Variants in VWA8 observed in about 807,000 individuals in gnomAD.
VWA8 encodes von Willebrand factor A domain-containing protein 8.
In VWA8, 221 loss-of-function variants were observed where a neutral mutation model predicts 241.5. The ratio of observed to expected loss-of-function variants is 0.91; its 90% CI spans 0.82 to 1.02. VWA8 has a LOEUF of 1.02. Among genes scored for constraint, VWA8 ranks in the 50% least tolerant of loss-of-function variants. The pLI is 0.00. For missense variants in VWA8, 2,322 were observed against 2,328.7 expected (o/e 1.00, Z 0.06); for synonymous variants, 852 against 827.1 (o/e 1.03, Z -0.52).
intron 25 of VWA8, among the ~76,000 whole-genome samples, chr13:41,720,230 T>C (rs1352331098): frequency 3.3e-5 from 5 of 152,028 alleles, no homozygotes; most frequent in African/African-American, 9.7e-5. Flanking sequence ...CAGGGAGCAG[T>C]AGAGGGCAAG....
intron 21 of VWA8, among the ~76,000 whole-genome samples, chr13:41,758,500 A>G (rs2045715708): frequency 6.9e-6 from 1 of 144,610 alleles, no homozygotes; most frequent in African/African-American, 2.5e-5. Flanking sequence ...TATTCCATAT[A>G]TATGGAATAT....
intron 7 of VWA8, 100 bp from the exon 8 acceptor site, chr13:41,886,128 G>T: frequency 1.3e-6 from 1 of 782,286 alleles, no homozygotes; most frequent in Non-Finnish European, 2.0e-6. Flanking sequence ...ATCTAAAAAA[G>T]ATCCCTAATA....
Position 41,575,811 on chromosome 13 carries a change from C to G in VWA8, c.5299G>C (p.Gly1767Arg). 4 of 1,613,194 alleles carry G rather than the reference C, an allele frequency of 2.5e-6. No individual in the cohort carries two copies. Among genetic ancestry groups the G allele is most frequent in the Non-Finnish European group, 3.4e-6 (4 of 1,179,872 alleles). Residue 1767 changes from glycine (G) to arginine (R), a missense_variant, in exon 43 of 45, where the codon GGC (glycine) becomes CGC (arginine). Physicochemically the swap from Gly to Arg is moderately radical, Grantham distance 125. Coordinates refer to ENST00000379310, the MANE Select transcript of VWA8 (RefSeq NM_015058.2). The part of the protein sequence containing the change: ...QYDIVGHSGD[G>R]YNIGLVPMNK... The stretch of plus-strand genomic sequence containing the variant: ...ATTGGAACCAGACCAATGTTGTAGC[C>G]ATCTCCAGAGTGTCCAACGATGTCA...
rs945555793 is a variant in VWA8, at chr13:41,581,237, C to A, written c.5272-5399G>T. On this transcript the variant is annotated intron_variant, in intron 42 of 44. Coordinates refer to ENST00000379310, the MANE Select transcript of VWA8 (RefSeq NM_015058.2). ...CAGGATGGTCTCGATCTCCTGACCT[C>A]GTGATCCGCCCGCCTCGGCCTCCCA... is the stretch of plus-strand genomic sequence containing the variant. Among the ~76,000 whole-genome samples the A allele has an allele frequency of 3.9e-5, 3 of 77,258 alleles. 1 individual carries two copies. The highest frequency in any genetic ancestry group is 6.4e-5 in the Non-Finnish European group (3 of 46,952). 50.7% of individuals were successfully genotyped at this position (77,258 alleles called of 152,430 possible). A position where few individuals can be genotyped will look rare whatever the true frequency, so the allele number is the denominator to read the frequency against.
intron 12 of VWA8, chr13:41,865,314 C>A (rs1235594303): frequency 5.1e-6 from 2 of 389,578 alleles, no homozygotes; most frequent in Non-Finnish European, 1.0e-5. Context: ...TTTCTTTATG[C>A]TGGAACATTT....
intron 29 of VWA8, among the ~76,000 whole-genome samples, chr13:41,695,758 A>T (rs1479265342): frequency 6.6e-6 from 1 of 152,204 alleles, no homozygotes; most frequent in Non-Finnish European, 1.5e-5. Context: ...GTATATGAGG[A>T]GGCAAGATGC....
intron 12 of VWA8, among the ~76,000 whole-genome samples, chr13:41,863,433 GTA>G (rs201997688): frequency 0.047 from 3,274 of 69,694 alleles, 162 homozygotes; most frequent in African/African-American, 0.14. Flanking sequence ...GTGTGTGTGT[GTA>G]TATATATATA....
rs1870849865 is a variant in VWA8 at position 41,819,403 on chromosome 13, A to T, written c.1701-17T>A. 1 of 1,587,054 alleles carries T rather than the reference A, an allele frequency of 6.3e-7. No individual in the cohort carries two copies. The highest frequency in any genetic ancestry group is 8.5e-7 in the Non-Finnish European group (1 of 1,173,546). ...AAAATGGATCTAAAATAGGAAAAAAAATGAAAAAAAATAACATATCTTTCA... is the reference window on the plus strand; with the variant it reads ...AAAATGGATCTAAAATAGGAAAAAATATGAAAAAAAATAACATATCTTTCA... On this transcript the variant is annotated splice_polypyrimidine_tract_variant and intron_variant, in intron 14 of 44. Transcript: ENST00000379310.
intron 4 of VWA8, among the ~76,000 whole-genome samples, chr13:41,898,603 G>C (rs1455064239): frequency 2.0e-5 from 3 of 152,242 alleles, no homozygotes; most frequent in Non-Finnish European, 4.4e-5. Context: ...TTGGGTGGTC[G>C]ATGGGACTGG....
chr13:41,803,547 A>C (rs973404859), intron 17 of VWA8, among the ~76,000 whole-genome samples: 1 of 152,200 alleles, frequency 6.6e-6, no homozygotes, highest in Non-Finnish European at 1.5e-5. Flanking sequence ...TTGTGCAGGG[A>C]AACTCCCCTT....
At chr13:41,734,713 C>T (rs1304206949) in intron 21 of VWA8, among the ~76,000 whole-genome samples, 1 of 152,208 alleles carries the variant, frequency 6.6e-6, no homozygotes, top group African/African-American at 2.4e-5. Flanking sequence ...TCACCATAAT[C>T]CTGGCTCTCC....
intron 17 of VWA8, among the ~76,000 whole-genome samples, chr13:41,789,382 A>G (rs758305186): frequency 2.6e-5 from 4 of 152,142 alleles, no homozygotes; most frequent in Non-Finnish European, 5.9e-5. Context: ...CCTGTTGCAA[A>G]TTTTCCAAGT....
intron 4 of VWA8, among the ~76,000 whole-genome samples, chr13:41,892,503 G>C (rs1477686371): frequency 6.6e-6 from 1 of 152,128 alleles, no homozygotes; most frequent in Non-Finnish European, 1.5e-5. Context: ...ATTAAATGTA[G>C]ATGATGGCCA....
chr13:41,778,121 A>G, intron 19 of VWA8, 65 bp from the exon 20 acceptor site: 1 of 1,168,242 alleles, frequency 8.6e-7, no homozygotes, highest in Non-Finnish European at 1.2e-6. Context: ...AAAGTTAACT[A>G]TAAAGATATC....
chr13:41,695,702 GTTTCCTGGAAAAC>G (rs1473088628), intron 29 of VWA8, among the ~76,000 whole-genome samples: 1 of 152,148 alleles, frequency 6.6e-6, no homozygotes. Flanking sequence ...TTCCGAAGCA[GTTTCCTGGAAAAC>G]TTGAAACTGT....
At chr13:41,743,048 C>A (rs1023383570) in intron 21 of VWA8, among the ~76,000 whole-genome samples, 1 of 152,088 alleles carries the variant, frequency 6.6e-6, no homozygotes, top group Non-Finnish European at 1.5e-5. Flanking sequence ...AAGAGCTGCA[C>A]AGAACAAGTT....
chr13:41,693,048 C>A, intron 29 of VWA8, 76 bp from the exon 30 acceptor site: 1 of 941,312 alleles, frequency 1.1e-6, no homozygotes. Context: ...AACCTCTTGG[C>A]AACCTGACAG....
At chr13:41,649,942 A>G (rs915292177) in intron 37 of VWA8, among the ~76,000 whole-genome samples, 1 of 152,208 alleles carries the variant, frequency 6.6e-6, no homozygotes, top group African/African-American at 2.4e-5. Context: ...GACGGGAAAT[A>G]ATCTAATTCC....
At chr13:41,787,342 T>TAAAA (rs2137942840) in intron 18 of VWA8, 95 bp downstream of exon 18, 1 of 1,016,180 alleles carries the variant, frequency 9.8e-7, no homozygotes, top group East Asian at 2.6e-5. Context: ...CAAAAACTGT[T>TAAAA]TAACTGTTTA....
Sources: gnomAD v4.1 joint callset for allele counts (sites outside exome capture counted in the v4.1 genomes callset) on GRCh38, gnomAD v4.1.1 for gene constraint, MANE v1.5 for transcripts, NCBI Gene and HGNC (gene_info 2026-07-23, HGNC 2026-07-21) for gene names.